The following FAM171B variants were observed in gnomAD, a reference collection of about 807,000 sequenced individuals.
The protein encoded by FAM171B is protein FAM171B.
Under a neutral mutation model 75.6 loss-of-function variants are expected in FAM171B, and 19 were observed. The ratio of observed to expected loss-of-function variants is 0.25; its 90% confidence interval spans 0.18 to 0.37. The LOEUF (loss-of-function observed/expected upper bound fraction) is 0.37, where lower values mean the gene tolerates loss of function less well. Among genes scored for constraint, FAM171B ranks in the 10% least tolerant of loss-of-function variants. The pLI, the probability that FAM171B is intolerant of heterozygous loss-of-function variation, is 1.00. For missense variants in FAM171B, 848 were observed against 982.4 expected, an observed-to-expected ratio of 0.86 and a Z score of 1.83; for synonymous variants, 367 against 361.7, an observed-to-expected ratio of 1.01 and a Z score of -0.17.
chr2:186,694,241 C>T lies in FAM171B; in HGVS notation c.68C>T (p.Ala23Val). 6.2e-7 allele frequency: 1 copy of T among 1,611,368 alleles called. No individual in the cohort carries two copies. Residue 23 changes from alanine to valine, a missense_variant, in exon 1 of 8, where the codon GCG (alanine) becomes GTG (valine). Transcript: ENST00000304698. ...LLGLAVVLLKARLVPAAARAE... is the reference protein window; with the variant it reads ...LLGLAVVLLKVRLVPAAARAE... ...GGCCTGGCCGTGGTGCTGCTGAAAG[C>T]GCGGCTGGTCCCCGCGGCCGCCAGA...
chr2:186,729,045 T>G (rs1690075181), intron 1 of FAM171B, among the ~76,000 whole-genome samples: 1 of 152,218 alleles, frequency 6.6e-6, no homozygotes, highest in African/African-American at 2.4e-5. Context: ...CCTTTATACC[T>G]ATTTATTATT....
intron 1 of FAM171B, among the ~76,000 whole-genome samples, chr2:186,719,012 G>T (rs1479008783): frequency 1.3e-5 from 2 of 152,112 alleles, no homozygotes; most frequent in Non-Finnish European, 2.9e-5. Context: ...TTCGTGCTGT[G>T]CTATTCTTTA....
intron 6 of FAM171B, among the ~76,000 whole-genome samples, chr2:186,756,880 CACTT>C (rs771659700): frequency 2.6e-5 from 4 of 152,068 alleles, no homozygotes; most frequent in Admixed American, 1.3e-4. Context: ...ATCAGGGGAA[CACTT>C]ACTTACACTT....
chr2:186,731,829 A>G (rs1275395001), intron 1 of FAM171B, among the ~76,000 whole-genome samples: 1 of 152,104 alleles, frequency 6.6e-6, no homozygotes, highest in African/African-American at 2.4e-5. Context: ...TTAGTTTCTC[A>G]TAGGAGCATG....
chr2:186,697,292 T>C (rs182580776), intron 1 of FAM171B, among the ~76,000 whole-genome samples: 50 of 152,302 alleles, frequency 3.3e-4, no homozygotes, highest in East Asian at 9.6e-4. Flanking sequence ...ATTTGGGGTT[T>C]TTTTTGAGAC....
chr2:186,747,317 T>TTA (rs1203730325), intron 4 of FAM171B, 67 bp downstream of exon 4: 2 of 1,137,186 alleles, frequency 1.8e-6, no homozygotes, highest in Non-Finnish European at 2.4e-6. Context: ...CATCAAATAT[T>TTA]TAGCTATCTA....
In FAM171B at chr2:186,761,250, T is replaced by A. The variant is rs1690610745; in HGVS notation, c.1136+14T>A. On this transcript the variant is annotated intron_variant, in intron 7 of 7. Coordinates refer to ENST00000304698, the MANE Select transcript of FAM171B (RefSeq NM_177454.4). The stretch of plus-strand genomic sequence containing the variant: ...TTGTTATTGCAGGTAAGAAAATGGC[T>A]ATAAACACAGAAAACTATCAAGTTA... The A allele has an allele frequency of 1.2e-6, 2 of 1,610,598 alleles. No individual in the cohort carries two copies. The highest frequency in any genetic ancestry group is 1.7e-6 in the Non-Finnish European group (2 of 1,178,690).
chr2:186,739,327 A>T (rs1224915342), intron 1 of FAM171B, among the ~76,000 whole-genome samples: 2 of 152,214 alleles, frequency 1.3e-5, no homozygotes, highest in African/African-American at 4.8e-5. Context: ...TCTTTCTTCA[A>T]TAAGTTAACC....
intron 1 of FAM171B, among the ~76,000 whole-genome samples, chr2:186,705,757 C>G (rs1689725326): frequency 6.6e-6 from 1 of 152,112 alleles, no homozygotes; most frequent in African/African-American, 2.4e-5. Flanking sequence ...ATAACCAATC[C>G]AACCAGAAGG....
At chr2:186,696,177 C>G (rs1453715210) in intron 1 of FAM171B, among the ~76,000 whole-genome samples, 4 of 151,976 alleles carry the variant, frequency 2.6e-5, no homozygotes, top group Non-Finnish European at 5.9e-5. Context: ...ATAAAGGAAC[C>G]ACACTCTTCG....
chr2:186,720,700 C>CAAAAAA (rs71411184), intron 1 of FAM171B, among the ~76,000 whole-genome samples: 203 of 106,210 alleles, frequency 1.9e-3, no homozygotes, highest in Middle Eastern at 6.2e-3. Flanking sequence ...AGATCATGTA[C>CAAAAAA]AAAAAAAAAA....
chr2:186,703,040 T>C (rs1574095478), intron 1 of FAM171B, among the ~76,000 whole-genome samples: 1 of 150,328 alleles, frequency 6.7e-6, no homozygotes, highest in Admixed American at 6.7e-5. Flanking sequence ...ATATCATTTA[T>C]AAATTATATA....
In FAM171B at chr2:186,726,523, G is replaced by A. The variant is rs142863416; in HGVS notation, c.239-13705G>A. Among the ~76,000 whole-genome samples, 42 of 151,960 alleles carry A rather than the reference G, an allele frequency of 2.8e-4. No individual in the cohort carries two copies. In the East Asian group the frequency reaches 4.3e-3, roughly 15 times the overall value. On this transcript the variant is annotated intron_variant, in intron 1 of 7. Coordinates refer to ENST00000304698, the MANE Select transcript of FAM171B (RefSeq NM_177454.4). Reference sequence around the variant, plus strand: ...GTCCTTTTTCTTTATAACCTCCTTCGTTGTCCTCTACTCTTTTCTGAACTT... The same window carrying A: ...GTCCTTTTTCTTTATAACCTCCTTCATTGTCCTCTACTCTTTTCTGAACTT...
chr2:186,749,832 C>T (rs1281078262), intron 4 of FAM171B, among the ~76,000 whole-genome samples: 3 of 152,236 alleles, frequency 2.0e-5, no homozygotes, highest in Middle Eastern at 6.8e-3. Context: ...GGCTGCAGCT[C>T]AGATGTGCCC....
rs1243772416 is a variant in FAM171B at position 186,763,508 on chromosome 2, A to ATCT, written c.*685_*686insTCT. The ATCT allele has an allele frequency of 6.6e-6, 1 of 152,118 alleles. No homozygotes were observed. Among genetic ancestry groups the ATCT allele is most frequent in the Non-Finnish European group, 1.5e-5 (1 of 67,994 alleles). 9.4% of individuals were successfully genotyped at this position (152,118 alleles called of 1,614,324 possible). ...TAAGATGTTAATTTAGAAATTTGAG[A>ATCT]AATTAATGCTCTAATACTGAGTTTT... On this transcript the variant is annotated 3_prime_UTR_variant, in exon 8 of 8. Transcript: ENST00000304698.
chr2:186,725,288 G>A (rs1197383377), intron 1 of FAM171B, among the ~76,000 whole-genome samples: 3 of 150,658 alleles, frequency 2.0e-5, no homozygotes, highest in Non-Finnish European at 2.9e-5. Flanking sequence ...AGCTTGCAGT[G>A]AGCCGAGACC....
At chr2:186,740,185 T>C in intron 1 of FAM171B, 43 bp from the exon 2 acceptor site, 4 of 1,416,276 alleles carry the variant, frequency 2.8e-6, no homozygotes, top group Non-Finnish European at 4.0e-6. Flanking sequence ...ACATATGCAT[T>C]CTAGGATACG....
chr2:186,751,160 C>T lies in FAM171B; in HGVS notation c.751C>T (p.Leu251Phe), dbSNP rs750701622. Residue 251 changes from leucine (L) to phenylalanine (F), a missense_variant, in exon 5 of 8, where the codon CTT (leucine) becomes TTT (phenylalanine). Coordinates refer to ENST00000304698, the MANE Select transcript of FAM171B (RefSeq NM_177454.4). ...TTTTGAAAACATTGAATTGACTCCT[C>T]TTGCTGCAATATGTGTGAAAATATA... is the stretch of plus-strand genomic sequence containing the variant. ...PGFENIELTP[L>F]AAICVKIYSG... The T allele has an allele frequency of 6.2e-7, 1 of 1,606,544 alleles. No homozygotes were observed. The highest frequency in any genetic ancestry group is 1.1e-5 in the South Asian group (1 of 90,078).
chr2:186,743,604 CACTT>C, intron 3 of FAM171B, 29 bp downstream of exon 3: 2 of 1,386,594 alleles, frequency 1.4e-6, no homozygotes, highest in Non-Finnish European at 2.0e-6. Flanking sequence ...ACTAAGTAAA[CACTT>C]AAAGTTATTG....
Sources: gnomAD v4.1 joint callset for allele counts (sites outside exome capture counted in the v4.1 genomes callset) on GRCh38, gnomAD v4.1.1 for gene constraint, MANE v1.5 for transcripts, NCBI Gene and HGNC (gene_info 2026-07-23, HGNC 2026-07-21) for gene names.